Variants in KDM3B observed in about 807,000 individuals in gnomAD.
The protein encoded by KDM3B is lysine-specific demethylase 3B.
In KDM3B, 10 loss-of-function variants were observed where a neutral mutation model predicts 170.0. The observed-to-expected ratio is 0.06, with a 90% CI of 0.04 to 0.10. KDM3B has a LOEUF of 0.10. KDM3B is among the 10% of genes least tolerant of loss of function. The pLI, the probability that KDM3B is intolerant of heterozygous loss-of-function variation, is 1.00. For missense variants in KDM3B, 1,394 were observed against 2,195.2 expected (o/e 0.64, Z 7.29); for synonymous variants, 831 against 834.8 (o/e 1.00, Z 0.08).
At chr5:138,417,206 AG>A (rs1763127693) in intron 12 of KDM3B, among the ~76,000 whole-genome samples, 2 of 152,222 alleles carry the variant, frequency 1.3e-5, no homozygotes, top group Admixed American at 6.5e-5. Context: ...GAAGAGGGAA[AG>A]GGGTGTAGCT....
At chr5:138,397,945 A>C (rs1259713468) in intron 9 of KDM3B, 1 of 407,408 alleles carries the variant, frequency 2.5e-6, no homozygotes, top group African/African-American at 2.1e-5. Context: ...GAACAGGTGA[A>C]TGGAAAAACT....
intron 1 of KDM3B, among the ~76,000 whole-genome samples, chr5:138,367,278 C>A (rs1043764273): frequency 6.6e-6 from 1 of 152,102 alleles, no homozygotes; most frequent in African/African-American, 2.4e-5. Context: ...ATTCTTGGCC[C>A]TGTCAAGTGC....
chr5:138,363,228 A>T (rs1580877089), intron 1 of KDM3B, among the ~76,000 whole-genome samples: 2 of 152,202 alleles, frequency 1.3e-5, no homozygotes, highest in Admixed American at 1.3e-4. Context: ...CACTCTGTCT[A>T]AAAAAAGTAG....
intron 1 of KDM3B, among the ~76,000 whole-genome samples, chr5:138,363,518 A>G (rs1184550898): frequency 6.6e-6 from 1 of 152,174 alleles, no homozygotes; most frequent in Admixed American, 6.5e-5. Flanking sequence ...ATACATGCCT[A>G]TTATACAAAG....
chr5:138,368,618 A>G (rs1761803535), intron 1 of KDM3B, among the ~76,000 whole-genome samples: 2 of 152,188 alleles, frequency 1.3e-5, no homozygotes, highest in Non-Finnish European at 2.9e-5. Context: ...GTCCTGGGCC[A>G]GAAATAAGCT....
chr5:138,396,123 T>C (rs59846039), intron 9 of KDM3B, among the ~76,000 whole-genome samples: 60,608 of 151,540 alleles, frequency 0.4, 12,404 homozygotes, highest in East Asian at 0.58. Context: ...TTTTTTTAGA[T>C]GGAGTCTTGC....
chr5:138,353,306 C>G (rs1354313809), intron 1 of KDM3B, among the ~76,000 whole-genome samples: 4 of 152,236 alleles, frequency 2.6e-5, no homozygotes. Flanking sequence ...GCTCTCGAAT[C>G]TTGAGCTCCC....
chr5:138,424,002 T>C lies in KDM3B; in HGVS notation c.3973-73T>C, dbSNP rs887375339. 4 of 1,442,508 alleles carry C rather than the reference T, an allele frequency of 2.8e-6. No homozygotes were observed. The African/African-American group carries it at 5.7e-5, about 20-fold the overall frequency. The allele number at this position is 1,442,508 out of a possible 1,614,324, so 89.4% of individuals were successfully genotyped here. A position where few individuals can be genotyped will look rare whatever the true frequency, so the allele number is the denominator to read the frequency against. Reference sequence around the variant, plus strand: ...GGTCAGAACTCCTTGTGAATACAATTGTGAGACAGTTTTTTGAATGCCGTT... The same window carrying C: ...GGTCAGAACTCCTTGTGAATACAATCGTGAGACAGTTTTTTGAATGCCGTT... On this transcript the variant is annotated intron_variant, in intron 15 of 23. Coordinates refer to ENST00000314358, the MANE Select transcript of KDM3B (RefSeq NM_016604.4).
intron 23 of KDM3B, among the ~76,000 whole-genome samples, chr5:138,433,842 G>A (rs1457782257): frequency 2.6e-5 from 4 of 151,802 alleles, no homozygotes; most frequent in Non-Finnish European, 2.9e-5. Flanking sequence ...GGGTTCAAGC[G>A]ATTCTCCTGC....
At chr5:138,388,080 C>CA (rs1228362093) in intron 7 of KDM3B, among the ~76,000 whole-genome samples, 2 of 148,720 alleles carry the variant, frequency 1.3e-5, no homozygotes, top group African/African-American at 2.5e-5. Context: ...GACTATGTCT[C>CA]AAAAAAACAA....
At chr5:138,397,915 G>A (rs949492750) in intron 9 of KDM3B, 2 of 295,448 alleles carry the variant, frequency 6.8e-6, no homozygotes, top group African/African-American at 2.2e-5. Context: ...GTCACATTCA[G>A]CAGTATGGGT....
Position 138,431,569 on chromosome 5 carries a change from T to C in KDM3B, c.5205+10T>C. On this transcript the variant is annotated intron_variant, in intron 23 of 23. Transcript: ENST00000314358. ...TGAGGATAAACTGCAGGTAAATAACTCCTCCCTCTACCCCACTCTGTCTTC... is the reference window on the plus strand; with the variant it reads ...TGAGGATAAACTGCAGGTAAATAACCCCTCCCTCTACCCCACTCTGTCTTC... 6.3e-7 allele frequency: 1 copy of C among 1,598,238 alleles called. No individual in the cohort carries two copies. The highest frequency in any genetic ancestry group is 1.1e-5 in the South Asian group (1 of 88,038).
intron 22 of KDM3B, 23 bp downstream of exon 22, chr5:138,430,448 G>A (rs756116700): frequency 7.5e-6 from 12 of 1,607,286 alleles, no homozygotes; most frequent in Admixed American, 1.7e-5. Context: ...TTGGGGGTTG[G>A]GCTGAACAGT....
chr5:138,355,509 C>T lies in KDM3B; in HGVS notation c.192+2522C>T, dbSNP rs762938037. Among the ~76,000 whole-genome samples, 39 of 152,210 alleles carry T rather than the reference C, an allele frequency of 2.6e-4. 1 individual carries two copies. Among genetic ancestry groups the T allele is most frequent in the Non-Finnish European group, 4.4e-5 (3 of 68,036 alleles). On this transcript the variant is annotated intron_variant, in intron 1 of 23. Coordinates refer to ENST00000314358, the MANE Select transcript of KDM3B (RefSeq NM_016604.4). ...TAAGGTTCTCATAGGTGGACATCTT[C>T]ACCAGCAGAAGCCATGCTGACAAAT...
chr5:138,372,995 T>C (rs969914748), intron 2 of KDM3B, among the ~76,000 whole-genome samples, 154 bp downstream of exon 2: 1 of 152,206 alleles, frequency 6.6e-6, no homozygotes, highest in African/African-American at 2.4e-5. Context: ...GGAGCAGTCT[T>C]TTCTCCTTTG....
At chr5:138,427,456 G>A in intron 19 of KDM3B, 137 bp downstream of exon 19, 1 of 966,202 alleles carries the variant, frequency 1.0e-6, no homozygotes, top group African/African-American at 1.6e-5. Flanking sequence ...ATCCAAGGTG[G>A]TCTTGAATAT....
rs1761356283 is a variant in KDM3B, at chr5:138,352,697, C to T, written c.-99C>T. 1 of 914,072 alleles carries T rather than the reference C, an allele frequency of 1.1e-6. No homozygotes were observed. Among genetic ancestry groups the T allele is most frequent in the Non-Finnish European group, 1.3e-6 (1 of 743,302 alleles). 56.6% of individuals were successfully genotyped at this position (914,072 alleles called of 1,614,324 possible). A position where few individuals can be genotyped will look rare whatever the true frequency, so the allele number is the denominator to read the frequency against. ...GGGGGGTGGGGGGGAACGGCGGCCG[C>T]GGGTGGTGCGGAGGGAGGCCTTGCG... On this transcript the variant is annotated 5_prime_UTR_variant, in exon 1 of 24. Transcript: ENST00000314358.
chr5:138,393,435 T>TC, intron 9 of KDM3B, 63 bp downstream of exon 9: 1 of 1,306,488 alleles, frequency 7.7e-7, no homozygotes, highest in South Asian at 1.2e-5. Context: ...CTTCCACTCT[T>TC]TCTCTGAGTC....
rs1188124535 is a variant in KDM3B, at chr5:138,424,300, A to G, written c.4198A>G (p.Asn1400Asp). ...GTGTCTCCATGACCCCAGCAACAAA[A>G]ACAATTGGAAGATCTTCCGGGAGTG... Reference protein sequence around the residue: ...LLCLHDPSNKNNWKIFRECWK... With the variant: ...LLCLHDPSNKDNWKIFRECWK... Residue 1400 changes from asparagine (N) to aspartate (D), a missense_variant, in exon 16 of 24, where the codon AAC (asparagine) becomes GAC (aspartate). Physicochemically the swap from Asn to Asp is conservative, Grantham distance 23. This residue lies in a region of KDM3B where 66 missense variants were observed against 178.8 expected (regional missense o/e 0.37). Coordinates refer to ENST00000314358, the MANE Select transcript of KDM3B (RefSeq NM_016604.4). 6.2e-7 allele frequency: 1 copy of G among 1,614,146 alleles called. No individual in the cohort carries two copies. Among genetic ancestry groups the G allele is most frequent in the South Asian group, 1.1e-5 (1 of 91,088 alleles).
Sources: allele counts gnomAD v4.1 joint callset (sites outside exome capture counted in the v4.1 genomes callset), GRCh38; gene constraint gnomAD v4.1.1; regional missense constraint gnomAD v4.1.1; transcripts MANE v1.5; gene names NCBI Gene and HGNC (gene_info 2026-07-23, HGNC 2026-07-21).